The following ARHGEF3 variants were observed in gnomAD, a reference collection of about 807,000 sequenced individuals.
ARHGEF3 encodes the protein Rho guanine nucleotide exchange factor 3, also known as 59.8 kDA protein.
ARHGEF3 carries 28 observed loss-of-function variants against 63.2 expected under a neutral mutation model. The ratio of observed to expected loss-of-function variants is 0.44; its 90% confidence interval spans 0.33 to 0.61. The LOEUF (loss-of-function observed/expected upper bound fraction) is 0.61. ARHGEF3 is among the 20% of genes least tolerant of loss of function. The pLI, the probability that ARHGEF3 is intolerant of heterozygous loss-of-function variation, is 0.03. For missense variants in ARHGEF3, 533 were observed against 659.3 expected (o/e 0.81, Z 2.10); for synonymous variants, 266 against 254.2 (o/e 1.05, Z -0.44).
At chr3:56,784,878 C>T (rs1334036571) in intron 1 of ARHGEF3, among the ~76,000 whole-genome samples, 1 of 152,198 alleles carries the variant, frequency 6.6e-6, no homozygotes, top group Non-Finnish European at 1.5e-5. Flanking sequence ...AGCTAGTTTC[C>T]TCTACTGTGA....
chr3:56,938,046 C>T (rs577598568), intron 3 of ARHGEF3, among the ~76,000 whole-genome samples: 3 of 152,362 alleles, frequency 2.0e-5, no homozygotes, highest in Admixed American at 6.5e-5. Context: ...AATGTCTCCT[C>T]TTCCCTGAAT....
intron 3 of ARHGEF3, among the ~76,000 whole-genome samples, chr3:56,943,907 C>A (rs1699317755): frequency 1.4e-5 from 2 of 143,606 alleles, no homozygotes; most frequent in African/African-American, 5.2e-5. Context: ...GAGAGAGACT[C>A]CGACTCAAAA....
At chr3:56,755,766 C>A (rs2035034532) in intron 2 of ARHGEF3, among the ~76,000 whole-genome samples, 1 of 152,100 alleles carries the variant, frequency 6.6e-6, no homozygotes, top group Non-Finnish European at 1.5e-5. Flanking sequence ...AGAACACAAG[C>A]AGGGCCTTCC....
In ARHGEF3 at chr3:56,910,710, G is replaced by A. The variant is rs117879891; in HGVS notation, c.130-28356C>T. ...ACAGTAACTGAAAAATAATAGTACC[G>A]GTGGTATGTGGATATGAAAAATGTG... On this transcript the variant is annotated intron_variant, in intron 3 of 12. Transcript: ENST00000338458. Among the ~76,000 whole-genome samples, 285 of 152,198 alleles carry A rather than the reference G, an allele frequency of 1.9e-3. 4 individuals are homozygous for A. The East Asian group carries it at 0.022, about 12-fold the overall frequency.
rs1056453623 is a variant in ARHGEF3 at position 56,729,179 on chromosome 3, A to G, written c.*91T>C. The G allele has an allele frequency of 1.5e-5, 18 of 1,173,126 alleles. No individual in the cohort carries two copies. In the African/African-American group the frequency reaches 2.4e-4, roughly 15 times the overall value. 72.7% of individuals were successfully genotyped at this position (1,173,126 alleles called of 1,614,324 possible). On this transcript the variant is annotated 3_prime_UTR_variant, in exon 10 of 10. Transcript: ENST00000296315. Reference sequence around the variant, plus strand: ...ACATGTATACTTTCACAAAAGTATGAAAAAGTGCTTCTCCAAACCGTTCCA... The same window carrying G: ...ACATGTATACTTTCACAAAAGTATGGAAAAGTGCTTCTCCAAACCGTTCCA...
intron 3 of ARHGEF3, among the ~76,000 whole-genome samples, chr3:56,910,908 T>G (rs1319872261): frequency 1.3e-5 from 2 of 152,176 alleles, no homozygotes; most frequent in African/African-American, 4.8e-5. Context: ...AGCATCTTCA[T>G]CCTGCAGGTG....
intron 4 of ARHGEF3, among the ~76,000 whole-genome samples, chr3:56,812,007 G>A (rs1261513769): frequency 6.6e-6 from 1 of 152,150 alleles, no homozygotes; most frequent in Non-Finnish European, 1.5e-5. Flanking sequence ...AAGCTACAAG[G>A]GGACAGGGAC....
chr3:56,861,103 T>C (rs899499797), intron 4 of ARHGEF3, among the ~76,000 whole-genome samples: 8 of 152,240 alleles, frequency 5.3e-5, no homozygotes, highest in African/African-American at 1.9e-4. Context: ...ATGTCGGCTT[T>C]AGCTTCCTGT....
At position 56,754,983 on chromosome 3, in the gene ARHGEF3, C is replaced by T; in HGVS notation, c.373G>A (p.Glu125Lys). Residue 125 changes from glutamate to lysine, a missense_variant and splice_region_variant, in exon 3 of 10, where the codon GAG (glutamate) becomes AAG (lysine). Glu to Lys is a moderately conservative substitution (Grantham distance 56). Around this residue, in one of 4 missense-constraint regions of ARHGEF3, gnomAD observed 107 missense variants for 207.9 expected, o/e 0.51. Transcript: ENST00000296315. The part of the protein sequence containing the change: ...MLTSKEIKRQ[E>K]AIFELSQGEE... ...AGCTCCATGGGCCCCGAGCCTACCT[C>T]CTGACGTTTGATTTCCTTGGATGTA... The T allele has an allele frequency of 6.2e-7, 1 of 1,614,224 alleles. No individual in the cohort carries two copies. Among genetic ancestry groups the T allele is most frequent in the Non-Finnish European group, 8.5e-7 (1 of 1,180,048 alleles).
intron 1 of ARHGEF3, chr3:57,035,198 C>A (rs1844071): frequency 7.4e-7 from 1 of 1,343,360 alleles, no homozygotes; most frequent in Non-Finnish European, 1.0e-6. Context: ...AGCAAAACAA[C>A]CAACATTTAT....
intron 2 of ARHGEF3, among the ~76,000 whole-genome samples, chr3:56,972,147 G>C (rs1020812807): frequency 1.1e-4 from 17 of 152,102 alleles, no homozygotes; most frequent in Non-Finnish European, 2.4e-4. Flanking sequence ...CCACCACAGG[G>C]AGAGAACGGT....
chr3:56,771,617 G>C (rs974104419), intron 2 of ARHGEF3, among the ~76,000 whole-genome samples: 79 of 152,234 alleles, frequency 5.2e-4, no homozygotes, highest in African/African-American at 1.9e-3. Context: ...TGGGAACACA[G>C]CACTGCAGCA....
At chr3:56,749,911 C>G (rs750230319) in intron 6 of ARHGEF3, among the ~76,000 whole-genome samples, 3 of 152,302 alleles carry the variant, frequency 2.0e-5, no homozygotes, top group Non-Finnish European at 4.4e-5. Context: ...TTAAAACTTT[C>G]TGCACATCTA....
intron 3 of ARHGEF3, among the ~76,000 whole-genome samples, chr3:56,883,503 C>T (rs2040834606): frequency 6.6e-6 from 1 of 151,890 alleles, no homozygotes; most frequent in Non-Finnish European, 1.5e-5. Context: ...TGCCATGTTG[C>T]CCAGGCTGGT....
intron 2 of ARHGEF3, among the ~76,000 whole-genome samples, chr3:57,006,051 C>A (rs1482671843): frequency 6.6e-6 from 1 of 152,092 alleles, no homozygotes; most frequent in Admixed American, 6.5e-5. Flanking sequence ...GCCTGATGGC[C>A]CCATAACTGT....
At chr3:56,882,517 T>C (rs1443241009) in intron 3 of ARHGEF3, among the ~76,000 whole-genome samples, 1 of 141,954 alleles carries the variant, frequency 7.0e-6, no homozygotes, top group Non-Finnish European at 1.5e-5. Context: ...TCTTTTTTTT[T>C]TTTTTTTTTT....
At chr3:56,808,073 G>A (rs1007043330) in intron 4 of ARHGEF3, among the ~76,000 whole-genome samples, 3 of 150,302 alleles carry the variant, frequency 2.0e-5, no homozygotes, top group Non-Finnish European at 3.0e-5. Flanking sequence ...GCAGTGAGCC[G>A]AGATCGTGCC....
intron 1 of ARHGEF3, among the ~76,000 whole-genome samples, chr3:56,796,769 T>A (rs955674460): frequency 6.6e-6 from 1 of 152,188 alleles, no homozygotes; most frequent in Non-Finnish European, 1.5e-5. Flanking sequence ...GATTTTAGTC[T>A]CATCTCCTTG....
intron 3 of ARHGEF3, among the ~76,000 whole-genome samples, chr3:56,915,972 G>A (rs1323479785): frequency 1.3e-5 from 2 of 152,148 alleles, no homozygotes; most frequent in African/African-American, 2.4e-5. Flanking sequence ...GCATTGCACA[G>A]CAGAGCGTGA....
Sources: allele counts gnomAD v4.1 joint callset (sites outside exome capture counted in the v4.1 genomes callset), GRCh38; gene constraint gnomAD v4.1.1; regional missense constraint gnomAD v4.1.1; transcripts MANE v1.5; gene names NCBI Gene and HGNC (gene_info 2026-07-23, HGNC 2026-07-21).